The following DCAF8L2 variants were observed in gnomAD, a reference collection of about 807,000 sequenced individuals.
The protein encoded by DCAF8L2 is DDB1 and CUL4 associated factor 8 like 2.
For missense variants in DCAF8L2, 430 were observed against 490.7 expected (o/e 0.88, Z 1.17); for synonymous variants, 200 against 190.9 (o/e 1.05, Z -0.39).
chrX:27,645,324 T>G (rs1168681995), intron 2 of DCAF8L2, among the ~76,000 whole-genome samples: 4 of 111,569 alleles, frequency 3.6e-5, no homozygotes, highest in Non-Finnish European at 7.5e-5. Flanking sequence ...AAAAACCACA[T>G]GATTATCTCA....
chrX:27,587,999 T>A (rs1200795826), upstream of DCAF8L2, among the ~76,000 whole-genome samples: 57 of 99,114 alleles, frequency 5.8e-4, no homozygotes, highest in East Asian at 1.8e-3. Flanking sequence ...TATATATATA[T>A]ATATATATAT....
the DCAF8L2 span, among the ~76,000 whole-genome samples, chrX:27,544,523 A>G: frequency 2.7e-5 from 3 of 111,989 alleles, no homozygotes; most frequent in Non-Finnish European, 5.6e-5. Flanking sequence ...ACATCTTTAA[A>G]CACTGTATGA....
chrX:27,614,611 C>T (rs1309566259), intron 1 of DCAF8L2, among the ~76,000 whole-genome samples: 2 of 111,788 alleles, frequency 1.8e-5, no homozygotes, highest in African/African-American at 6.5e-5. Flanking sequence ...TTTCCCTCTA[C>T]ACACTGCTTT....
the DCAF8L2 span, among the ~76,000 whole-genome samples, chrX:27,565,953 C>T: frequency 9.0e-6 from 1 of 110,776 alleles, no homozygotes; most frequent in East Asian, 2.9e-4. Flanking sequence ...AGCTCCACCC[C>T]ATCCCTCTAG....
At chrX:27,617,279 C>G (rs989136893) in intron 1 of DCAF8L2, among the ~76,000 whole-genome samples, 4 of 110,921 alleles carry the variant, frequency 3.6e-5, no homozygotes, top group African/African-American at 1.3e-4. Context: ...AAGATTCCTC[C>G]TATCTAGTAC....
chrX:27,712,894 C>T (rs1185914103), intron 3 of DCAF8L2, among the ~76,000 whole-genome samples: 2 of 111,951 alleles, frequency 1.8e-5, no homozygotes, highest in Non-Finnish European at 3.8e-5. Context: ...TAGAGATAGA[C>T]TGTATTCACT....
the DCAF8L2 span, among the ~76,000 whole-genome samples, chrX:27,573,033 A>G: frequency 9.0e-6 from 1 of 110,686 alleles, no homozygotes; most frequent in African/African-American, 3.3e-5. Flanking sequence ...TAAGGTCAGG[A>G]AAGCAAAAGA....
chrX:27,599,342 G>C (rs1602640238), intron 1 of DCAF8L2, among the ~76,000 whole-genome samples: 1 of 111,168 alleles, frequency 9.0e-6, no homozygotes, highest in East Asian at 2.8e-4. Context: ...GAAACAGAGA[G>C]TAGAATGGTG....
the DCAF8L2 span, among the ~76,000 whole-genome samples, chrX:27,574,437 G>A: frequency 8.9e-6 from 1 of 112,095 alleles, no homozygotes; most frequent in African/African-American, 3.2e-5. Context: ...TTTCTTTCCA[G>A]TGTAACATGT....
At chrX:27,660,111 C>T (rs1029327495) in intron 2 of DCAF8L2, among the ~76,000 whole-genome samples, 1 of 111,669 alleles carries the variant, frequency 9.0e-6, no homozygotes, top group African/African-American at 3.3e-5. Context: ...CAACCTCCGC[C>T]TCCTGGGTTC....
At chrX:27,655,117 A>G (rs186890686) in intron 2 of DCAF8L2, among the ~76,000 whole-genome samples, 82 of 111,314 alleles carry the variant, frequency 7.4e-4, no homozygotes, top group Non-Finnish European at 1.3e-3. Context: ...AGATGTAGGG[A>G]AAAATTAAAA....
the DCAF8L2 span, among the ~76,000 whole-genome samples, chrX:27,584,563 C>A: frequency 9.1e-6 from 1 of 110,436 alleles, no homozygotes; most frequent in Non-Finnish European, 1.9e-5. Flanking sequence ...ACTCTTATTA[C>A]TAAAGTTTTG....
intron 2 of DCAF8L2, chrX:27,633,233 C>G (rs747798943): frequency 3.6e-5 from 4 of 111,503 alleles, no homozygotes; most frequent in Non-Finnish European, 7.5e-5. Flanking sequence ...ATATAAAATC[C>G]TAGATGTGTT....
rs1926204474 is a variant in DCAF8L2 at position 27,593,278 on chromosome X, G to A, written c.-342+2838G>A. Reference sequence around the variant, plus strand: ...CCACCATTCTTCTCTCTGACTTTATGAATTTGACTATTCTAGGTGCTTCCT... The same window carrying A: ...CCACCATTCTTCTCTCTGACTTTATAAATTTGACTATTCTAGGTGCTTCCT... On this transcript the variant is annotated intron_variant, in intron 1 of 4. Transcript: ENST00000451261. 3.6e-5 allele frequency among the ~76,000 whole-genome samples: 4 copies of A among 111,695 alleles called. No homozygotes were observed. In the Admixed American group the frequency reaches 3.8e-4, roughly 11 times the overall value.
intron 2 of DCAF8L2, among the ~76,000 whole-genome samples, chrX:27,641,781 G>T (rs1373970884): frequency 9.1e-6 from 1 of 110,270 alleles, no homozygotes; most frequent in African/African-American, 3.3e-5. Flanking sequence ...CAAGTATGCT[G>T]TATTTCTATC....
chrX:27,509,064 A>G, the DCAF8L2 span, among the ~76,000 whole-genome samples: 2 of 111,702 alleles, frequency 1.8e-5, no homozygotes, highest in East Asian at 5.6e-4. Flanking sequence ...TATCAGGAAT[A>G]CTGTGTCAAT....
intron 2 of DCAF8L2, among the ~76,000 whole-genome samples, chrX:27,651,712 G>A (rs920791421): frequency 1.8e-5 from 2 of 108,958 alleles, no homozygotes; most frequent in African/African-American, 3.3e-5. Context: ...GGGTTTCACC[G>A]TGTTAGCCAA....
the DCAF8L2 span, among the ~76,000 whole-genome samples, chrX:27,480,010 A>T: frequency 1.8e-5 from 2 of 112,433 alleles, no homozygotes; most frequent in Non-Finnish European, 3.8e-5. Flanking sequence ...ATGACTTTTC[A>T]TGTGACACTA....
chrX:27,731,223 G>A (rs1602791448), intron 4 of DCAF8L2, among the ~76,000 whole-genome samples: 1 of 109,449 alleles, frequency 9.1e-6, no homozygotes, highest in Non-Finnish European at 1.9e-5. Context: ...GGCCAACATG[G>A]TGAAACCCTG....
Sources: allele counts gnomAD v4.1 joint callset (sites outside exome capture counted in the v4.1 genomes callset), GRCh38; gene constraint gnomAD v4.1.1; transcripts MANE v1.5; gene names NCBI Gene and HGNC (gene_info 2026-07-23, HGNC 2026-07-21).